The following ARHGAP15 variants were observed in gnomAD, a reference collection of about 807,000 sequenced individuals.
The protein encoded by ARHGAP15 is rho GTPase-activating protein 15.
Under a neutral mutation model 63.7 loss-of-function variants are expected in ARHGAP15, and 51 were observed. That is an observed-to-expected ratio of 0.80 (90% CI 0.64 to 1.01). The LOEUF is 1.01. ARHGAP15 is among the 50% of genes least tolerant of loss of function. ARHGAP15 has a pLI of 0.00. For synonymous variants in ARHGAP15, 191 were observed against 193.8 expected (o/e 0.99, Z 0.12); for missense variants, 560 against 564.6 (o/e 0.99, Z 0.08).
chr2:143,744,551 T>C (rs963492266), intron 13 of ARHGAP15, among the ~76,000 whole-genome samples: 2 of 152,206 alleles, frequency 1.3e-5, no homozygotes, highest in African/African-American at 4.8e-5. Flanking sequence ...GTCATATTAG[T>C]AATCCCCCTA....
intron 13 of ARHGAP15, among the ~76,000 whole-genome samples, chr2:143,711,770 C>G (rs1684592111): frequency 1.3e-5 from 2 of 152,116 alleles, no homozygotes; most frequent in South Asian, 4.2e-4. Flanking sequence ...CTCTACAAAA[C>G]ATTAAAAAAT....
chr2:143,516,958 G>GTTGT (rs1559022738), intron 9 of ARHGAP15, among the ~76,000 whole-genome samples: 3 of 151,786 alleles, frequency 2.0e-5, no homozygotes, highest in Admixed American at 6.6e-5. Flanking sequence ...GTTGTTGTTG[G>GTTGT]TGTTGTTTTG....
In ARHGAP15 at chr2:143,216,455, T is replaced by G. The variant is rs746078421; in HGVS notation, c.296+10T>G. The G allele has an allele frequency of 1.3e-6, 2 of 1,578,078 alleles. No individual in the cohort carries two copies. The highest frequency in any genetic ancestry group is 4.5e-5 in the East Asian group (2 of 44,628). On this transcript the variant is annotated intron_variant, in intron 4 of 13. Transcript: ENST00000295095. ...GAGGAAAGAAACTAAGGTAATAAAA[T>G]TCTTTAATTCACTTTTATATAACTA...
At chr2:143,317,518 T>C (rs1415778919) in intron 6 of ARHGAP15, among the ~76,000 whole-genome samples, 6 of 152,208 alleles carry the variant, frequency 3.9e-5, no homozygotes, top group African/African-American at 1.2e-4. Context: ...GTAGGTGATA[T>C]AGTGATGACA....
At chr2:143,337,574 T>G (rs1246693406) in intron 6 of ARHGAP15, among the ~76,000 whole-genome samples, 1 of 152,202 alleles carries the variant, frequency 6.6e-6, no homozygotes, top group Non-Finnish European at 1.5e-5. Context: ...GTTACCAATT[T>G]TGATATGAAA....
chr2:143,519,182 A>G, intron 9 of ARHGAP15, 84 bp from the exon 10 acceptor site: 1 of 1,017,286 alleles, frequency 9.8e-7, no homozygotes, highest in South Asian at 1.4e-5. Context: ...AGATTTCAGC[A>G]TGCAATGGAT....
At chr2:143,660,742 ATCT>A (rs1287765518) in intron 12 of ARHGAP15, among the ~76,000 whole-genome samples, 1 of 152,206 alleles carries the variant, frequency 6.6e-6, no homozygotes, top group African/African-American at 2.4e-5. Flanking sequence ...CTTGAGATAA[ATCT>A]TCTCCTAATT....
chr2:143,480,959 T>C (rs1255424779), intron 8 of ARHGAP15, among the ~76,000 whole-genome samples: 1 of 152,180 alleles, frequency 6.6e-6, no homozygotes, highest in Non-Finnish European at 1.5e-5. Context: ...GGAAAGTAGT[T>C]AAGCAGGGTA....
At chr2:143,452,743 A>G (rs1690465450) in intron 8 of ARHGAP15, among the ~76,000 whole-genome samples, 2 of 151,430 alleles carry the variant, frequency 1.3e-5, no homozygotes, top group Admixed American at 6.6e-5. Flanking sequence ...GGGAAAGCCA[A>G]CAAAAGATGT....
chr2:143,295,611 A>G (rs1392581417), intron 6 of ARHGAP15: 1 of 152,034 alleles, frequency 6.6e-6, no homozygotes, highest in Non-Finnish European at 1.5e-5. Flanking sequence ...ATAGAGAGGT[A>G]CTGAGAATGT....
chr2:143,183,037 G>A (rs1006585571), intron 2 of ARHGAP15, among the ~76,000 whole-genome samples: 12 of 152,180 alleles, frequency 7.9e-5, no homozygotes, highest in African/African-American at 2.7e-4. Context: ...AGAGAGGGAA[G>A]GGCTACAAGA....
chr2:143,320,658 T>A (rs1262280567), intron 6 of ARHGAP15, among the ~76,000 whole-genome samples: 1 of 151,858 alleles, frequency 6.6e-6, no homozygotes, highest in Non-Finnish European at 1.5e-5. Context: ...AGCAAAGAGT[T>A]AAAAATGAGA....
intron 12 of ARHGAP15, among the ~76,000 whole-genome samples, chr2:143,649,496 A>G (rs1241901853): frequency 6.6e-6 from 1 of 151,978 alleles, no homozygotes; most frequent in Non-Finnish European, 1.5e-5. Flanking sequence ...AAGATTTGCT[A>G]TGGGCTAAAT....
chr2:143,455,549 C>T (rs933551645), intron 8 of ARHGAP15, among the ~76,000 whole-genome samples: 2 of 152,092 alleles, frequency 1.3e-5, no homozygotes, highest in African/African-American at 4.8e-5. Context: ...CTGGTTCAAA[C>T]ACCTCTGACA....
chr2:143,267,357 C>G (rs939335099), intron 6 of ARHGAP15, among the ~76,000 whole-genome samples: 1 of 152,140 alleles, frequency 6.6e-6, no homozygotes, highest in African/African-American at 2.4e-5. Context: ...TTTAAAAGAA[C>G]CATTCAGCTC....
intron 10 of ARHGAP15, among the ~76,000 whole-genome samples, chr2:143,520,551 C>A (rs1694016543): frequency 6.6e-6 from 1 of 152,020 alleles, no homozygotes; most frequent in Non-Finnish European, 1.5e-5. Flanking sequence ...GCAGCAACTG[C>A]AGGATGAACA....
At chr2:143,241,862 G>A (rs1372219580) in intron 5 of ARHGAP15, among the ~76,000 whole-genome samples, 1 of 152,174 alleles carries the variant, frequency 6.6e-6, no homozygotes, top group Non-Finnish European at 1.5e-5. Flanking sequence ...AGAAGTGATG[G>A]GCAGTGGTAC....
chr2:143,384,554 T>TG (rs1558935573), intron 6 of ARHGAP15, among the ~76,000 whole-genome samples: 1 of 108,078 alleles, frequency 9.3e-6, no homozygotes, highest in Non-Finnish European at 1.9e-5. Flanking sequence ...AAGGCCTATG[T>TG]GTTTTAGAGT....
At chr2:143,444,207 T>A (rs1690027204) in intron 8 of ARHGAP15, among the ~76,000 whole-genome samples, 1 of 152,184 alleles carries the variant, frequency 6.6e-6, no homozygotes, top group Non-Finnish European at 1.5e-5. Context: ...CATCTTGCTT[T>A]CAATAATAGG....
Sources: allele counts gnomAD v4.1 joint callset (sites outside exome capture counted in the v4.1 genomes callset), GRCh38; gene constraint gnomAD v4.1.1; transcripts MANE v1.5; gene names NCBI Gene and HGNC (gene_info 2026-07-23, HGNC 2026-07-21).